The following NELL1 variants were observed in gnomAD, a reference collection of about 807,000 sequenced individuals.
NELL1 encodes protein kinase C-binding protein NELL1.
NELL1 carries 76 observed loss-of-function variants against 107.4 expected under a neutral mutation model. That is an observed-to-expected ratio of 0.71 (90% CI 0.59 to 0.86). The LOEUF is 0.86. NELL1 is among the 40% of genes least tolerant of loss of function. The pLI is 0.00. For synonymous variants in NELL1, 353 were observed against 341.2 expected, an observed-to-expected ratio of 1.03 and a Z score of -0.38; for missense variants, 1,024 against 1,005.5, an observed-to-expected ratio of 1.02 and a Z score of -0.25.
At chr11:20,880,966 G>A (rs1455026876) in intron 4 of NELL1, among the ~76,000 whole-genome samples, 2 of 152,150 alleles carry the variant, frequency 1.3e-5, no homozygotes, top group Non-Finnish European at 2.9e-5. Context: ...GCTTAGAAGT[G>A]GGGCACAACC....
chr11:21,560,211 A>T lies in NELL1; in HGVS notation c.1809A>T (p.Arg603Ser). The T allele has an allele frequency of 1.2e-6, 2 of 1,613,702 alleles. No homozygotes were observed. The highest frequency in any genetic ancestry group is 1.7e-6 in the Non-Finnish European group (2 of 1,179,746). The change falls in exon 17 of 20, where the codon AGA (arginine) becomes AGT (serine). Residue 603 changes from arginine to serine, a missense_variant. By Grantham distance (110) the Arg-to-Ser change is moderately radical. Coordinates refer to ENST00000357134, the MANE Select transcript of NELL1 (RefSeq NM_006157.5). ...CAGACATTGATGAATGTGCCTTAAG[A>T]ACTCACACCTGTTGGAACGATTCTG... ...SCIDIDECAL[R>S]THTCWNDSAC...
intron 2 of NELL1, among the ~76,000 whole-genome samples, chr11:20,745,164 C>T (rs377225295): frequency 9.1e-4 from 139 of 152,214 alleles, no homozygotes; most frequent in African/African-American, 3.2e-3. Context: ...TTATCTTGTT[C>T]ACAGAAGTGT....
At chr11:20,911,698 A>G (rs1285782847) in intron 5 of NELL1, among the ~76,000 whole-genome samples, 2 of 152,208 alleles carry the variant, frequency 1.3e-5, no homozygotes, top group African/African-American at 4.8e-5. Context: ...ATCTTCCTAG[A>G]GAGCAAGGCG....
chr11:21,474,571 G>A (rs1183473193), intron 15 of NELL1, among the ~76,000 whole-genome samples: 1 of 152,010 alleles, frequency 6.6e-6, no homozygotes, highest in African/African-American at 2.4e-5. Flanking sequence ...TTTATGCAAG[G>A]TTGCCAGTCT....
intron 11 of NELL1, among the ~76,000 whole-genome samples, chr11:20,951,981 A>G (rs964092805): frequency 6.6e-6 from 1 of 152,118 alleles, no homozygotes; most frequent in Non-Finnish European, 1.5e-5. Context: ...GCCTGGGAAG[A>G]AGTAATAAAA....
At position 21,133,543 on chromosome 11, in the gene NELL1, C is replaced by T. The variant is rs536662948; in HGVS notation, c.1426+19829C>T. ...CCTCAGCATCCCTCTGGCCTCCTTC[C>T]CATGCTCATCAGTGCCCAAAGTCCA... On this transcript the variant is annotated intron_variant, in intron 13 of 19. Transcript: ENST00000357134. 3.9e-5 allele frequency among the ~76,000 whole-genome samples: 6 copies of T among 152,268 alleles called. No individual in the cohort carries two copies. The East Asian group carries it at 1.2e-3, about 29-fold the overall frequency.
chr11:21,005,123 G>A (rs1468907340), intron 12 of NELL1, among the ~76,000 whole-genome samples: 2 of 152,166 alleles, frequency 1.3e-5, no homozygotes, highest in Admixed American at 6.6e-5. Flanking sequence ...CTGTAGGCAT[G>A]TCATTCTTAT....
At position 21,271,347 on chromosome 11, in the gene NELL1, A is replaced by G. The variant is rs144493732; in HGVS notation, c.1549+41893A>G. On this transcript the variant is annotated intron_variant, in intron 14 of 19. Transcript: ENST00000357134. ...GGACATTAAAAGGTTATACAGCAAT[A>G]TTATGAACAACTCTCTATGCCCAAA... 5.2e-3 allele frequency among the ~76,000 whole-genome samples: 796 copies of G among 152,306 alleles called. 6 individuals carry two copies. Among genetic ancestry groups the G allele is most frequent in the Middle Eastern group, 0.031 (9 of 294 alleles).
At chr11:21,183,845 C>T (rs1291860105) in intron 13 of NELL1, among the ~76,000 whole-genome samples, 1 of 151,790 alleles carries the variant, frequency 6.6e-6, no homozygotes, top group East Asian at 1.9e-4. Flanking sequence ...AGTCACATCT[C>T]TGAACAAGTG....
At chr11:21,244,611 C>T (rs980092062) in intron 14 of NELL1, among the ~76,000 whole-genome samples, 2 of 152,172 alleles carry the variant, frequency 1.3e-5, no homozygotes, top group African/African-American at 4.8e-5. Context: ...CAAATCCCAA[C>T]TCTGGCACAT....
intron 4 of NELL1, among the ~76,000 whole-genome samples, chr11:20,875,359 G>C (rs929077004): frequency 2.6e-5 from 4 of 151,962 alleles, no homozygotes; most frequent in African/African-American, 9.7e-5. Flanking sequence ...TGCTAAATCT[G>C]TCATGATTGA....
intron 14 of NELL1, among the ~76,000 whole-genome samples, chr11:21,255,172 T>C (rs1858738432): frequency 6.6e-6 from 1 of 152,060 alleles, no homozygotes; most frequent in South Asian, 2.1e-4. Flanking sequence ...TGACAACATC[T>C]TCCCCCCCGG....
At chr11:20,974,200 C>CAGCT (rs1345725730) in intron 12 of NELL1, among the ~76,000 whole-genome samples, 2 of 152,128 alleles carry the variant, frequency 1.3e-5, no homozygotes, top group African/African-American at 4.8e-5. Flanking sequence ...AATAAATGAA[C>CAGCT]AGCTGGTGGT....
At chr11:21,563,091 T>C (rs1856888625) in intron 17 of NELL1, among the ~76,000 whole-genome samples, 1 of 152,094 alleles carries the variant, frequency 6.6e-6, no homozygotes, top group Non-Finnish European at 1.5e-5. Context: ...GCTTAAAACT[T>C]ATGTCCCTCC....
chr11:20,825,611 C>G (rs902680093), intron 3 of NELL1, among the ~76,000 whole-genome samples: 1 of 151,260 alleles, frequency 6.6e-6, no homozygotes, highest in African/African-American at 2.4e-5. Flanking sequence ...GCTAATTTCT[C>G]CCTTTGGAAT....
At chr11:20,944,074 A>G (rs1850913705) in intron 10 of NELL1, among the ~76,000 whole-genome samples, 1 of 152,188 alleles carries the variant, frequency 6.6e-6, no homozygotes, top group Non-Finnish European at 1.5e-5. Context: ...GCCCTATGGA[A>G]TCTGTTGTAT....
chr11:20,806,910 GTTAAA>G (rs1198881092), intron 3 of NELL1, among the ~76,000 whole-genome samples: 1 of 151,994 alleles, frequency 6.6e-6, no homozygotes, highest in Non-Finnish European at 1.5e-5. Flanking sequence ...TTCAATCTTT[GTTAAA>G]TTAATCTGAT....
At chr11:20,924,078 T>C (rs1850438242) in intron 7 of NELL1, among the ~76,000 whole-genome samples, 1 of 152,214 alleles carries the variant, frequency 6.6e-6, no homozygotes, top group African/African-American at 2.4e-5. Flanking sequence ...GTAGATGTGA[T>C]ACCGTATCTA....
intron 12 of NELL1, among the ~76,000 whole-genome samples, chr11:21,048,997 G>A (rs1194219920): frequency 6.6e-6 from 1 of 152,140 alleles, no homozygotes; most frequent in East Asian, 1.9e-4. Flanking sequence ...GGAAGAAACA[G>A]AGCAGGAAAA....
Sources: allele counts gnomAD v4.1 joint callset (sites outside exome capture counted in the v4.1 genomes callset), GRCh38; gene constraint gnomAD v4.1.1; transcripts MANE v1.5; gene names NCBI Gene and HGNC (gene_info 2026-07-23, HGNC 2026-07-21).